The following YTHDC2 variants were observed in gnomAD, a reference collection of about 807,000 sequenced individuals.
The protein encoded by YTHDC2 is YTH N6-methyladenosine RNA binding protein C2.
A neutral mutation model predicts 174.9 loss-of-function variants in YTHDC2; 45 were observed. The observed-to-expected ratio is 0.26, with a 90% CI of 0.20 to 0.33. The LOEUF (loss-of-function observed/expected upper bound fraction) is 0.33. Ranked by LOEUF, YTHDC2 falls within the 10% of genes least tolerant of loss-of-function variation. The pLI, the probability that YTHDC2 is intolerant of heterozygous loss-of-function variation, is 1.00. For missense variants in YTHDC2, 1,650 were observed against 1,723.7 expected, an observed-to-expected ratio of 0.96 and a Z score of 0.76; for synonymous variants, 657 against 574.5, an observed-to-expected ratio of 1.14 and a Z score of -2.05.
chr5:113,550,315 A>C (rs552324966), intron 12 of YTHDC2, among the ~76,000 whole-genome samples: 1 of 152,128 alleles, frequency 6.6e-6, no homozygotes, highest in African/African-American at 2.4e-5. Flanking sequence ...CATATTAAAA[A>C]GCTTTATGAA....
At chr5:113,591,459 T>C (rs889486300) in intron 27 of YTHDC2, among the ~76,000 whole-genome samples, 1 of 152,162 alleles carries the variant, frequency 6.6e-6, no homozygotes, top group African/African-American at 2.4e-5. Context: ...CCAGGTAAAC[T>C]ATGTTTCCTT....
intron 16 of YTHDC2, among the ~76,000 whole-genome samples, chr5:113,554,702 C>T (rs899088320): frequency 6.6e-6 from 1 of 151,034 alleles, no homozygotes; most frequent in Admixed American, 6.6e-5. Flanking sequence ...AAAATATTTA[C>T]TATTTGAAAG....
intron 2 of YTHDC2, among the ~76,000 whole-genome samples, chr5:113,517,780 A>G (rs901625829): frequency 1.8e-4 from 28 of 152,214 alleles, no homozygotes; most frequent in African/African-American, 5.3e-4. Context: ...TTTCACAAAA[A>G]GAAAGAAATC....
chr5:113,591,328 C>G lies in YTHDC2; in HGVS notation c.4029+84C>G, dbSNP rs551095808. 5.4e-4 allele frequency: 750 copies of G among 1,386,018 alleles called. 1 individual carries two copies. Among genetic ancestry groups the G allele is most frequent in the Non-Finnish European group, 7.1e-4 (701 of 990,288 alleles). 85.9% of individuals were successfully genotyped at this position (1,386,018 alleles called of 1,614,324 possible). A position where few individuals can be genotyped will look rare whatever the true frequency, so the allele number is the denominator to read the frequency against. ...ATTTTTAGAAAAACAACTGGCTTTTCATTGCATCAGAATGCAAGAATGCCT... is the reference window on the plus strand; with the variant it reads ...ATTTTTAGAAAAACAACTGGCTTTTGATTGCATCAGAATGCAAGAATGCCT... On this transcript the variant is annotated intron_variant, in intron 27 of 29. Coordinates refer to ENST00000161863, the MANE Select transcript of YTHDC2 (RefSeq NM_022828.5).
chr5:113,569,383 A>G (rs979008247), intron 23 of YTHDC2, among the ~76,000 whole-genome samples: 40 of 152,232 alleles, frequency 2.6e-4, no homozygotes, highest in African/African-American at 9.6e-4. Flanking sequence ...TTTTGCTGCA[A>G]TTGCTTTTGG....
chr5:113,540,138 T>C (rs546853368), intron 8 of YTHDC2, among the ~76,000 whole-genome samples: 30 of 152,276 alleles, frequency 2.0e-4, no homozygotes, highest in African/African-American at 7.0e-4. Flanking sequence ...TCCTCTTGCC[T>C]CAGTGTCCTA....
Position 113,553,954 on chromosome 5 carries a change from A to G in YTHDC2, c.2065A>G (p.Asn689Asp). 1.3e-6 allele frequency: 2 copies of G among 1,583,672 alleles called. No individual in the cohort carries two copies. The highest frequency in any genetic ancestry group is 1.7e-6 in the Non-Finnish European group (2 of 1,168,768). The change falls in exon 16 of 30, where the codon AAT becomes GAT. Residue 689 changes from asparagine to aspartate, a missense_variant. Asn to Asp is a conservative substitution (Grantham distance 23). Around this residue, in one of 5 missense-constraint regions of YTHDC2, gnomAD observed 913 missense variants for 940.4 expected, o/e 0.97. Coordinates refer to ENST00000161863, the MANE Select transcript of YTHDC2 (RefSeq NM_022828.5). ...AGVRKIILST[N>D]IAETSITVND... ...TATCTTGTTGCAGATTCTTTCCACC[A>G]ATATTGCTGAAACCAGCATCACAGT...
At chr5:113,570,245 C>T (rs962846607) in intron 23 of YTHDC2, among the ~76,000 whole-genome samples, 1 of 151,376 alleles carries the variant, frequency 6.6e-6, no homozygotes, top group Non-Finnish European at 1.5e-5. Flanking sequence ...TACAGGCACG[C>T]ACCACAATTC....
intron 23 of YTHDC2, among the ~76,000 whole-genome samples, chr5:113,571,871 T>C (rs1280054080): frequency 6.6e-6 from 1 of 152,188 alleles, no homozygotes; most frequent in African/African-American, 2.4e-5. Context: ...TCTTTTCTTC[T>C]TTATTAATCT....
chr5:113,540,380 A>G (rs1775368825), intron 8 of YTHDC2, among the ~76,000 whole-genome samples: 1 of 152,234 alleles, frequency 6.6e-6, no homozygotes, highest in African/African-American at 2.4e-5. Context: ...ACTTGGAACA[A>G]TAGGTGAATG....
rs1248504541 is a variant in YTHDC2, at chr5:113,567,204, C to G, written c.2955C>G (p.His985Gln). 11 of 1,613,556 alleles carry G rather than the reference C, an allele frequency of 6.8e-6. No individual in the cohort carries two copies. Among genetic ancestry groups the G allele is most frequent in the Non-Finnish European group, 9.3e-6 (11 of 1,179,858 alleles). ...LVAGMYPNLV[H>Q]VDRENLVLTG... ...CAGGCATGTATCCTAATTTAGTCCACGTGGACAGAGAGAATCTAGTGTTGA... is the reference window on the plus strand; with the variant it reads ...CAGGCATGTATCCTAATTTAGTCCAGGTGGACAGAGAGAATCTAGTGTTGA... The change falls in exon 22 of 30, where the codon CAC (histidine) becomes CAG (glutamine). Residue 985 changes from histidine to glutamine, a missense_variant. Physicochemically the swap from His to Gln is conservative, Grantham distance 24. This residue lies in a region of YTHDC2 where 913 missense variants were observed against 940.4 expected (regional missense o/e 0.97). Transcript: ENST00000161863.
At chr5:113,575,462 T>C (rs1206337596) in intron 23 of YTHDC2, among the ~76,000 whole-genome samples, 4 of 152,138 alleles carry the variant, frequency 2.6e-5, no homozygotes. Flanking sequence ...AAAGAAAGCC[T>C]AGACACGTTT....
chr5:113,574,415 A>C (rs1360685783), intron 23 of YTHDC2, among the ~76,000 whole-genome samples: 1 of 152,120 alleles, frequency 6.6e-6, no homozygotes, highest in Non-Finnish European at 1.5e-5. Flanking sequence ...CCCTGTTCTG[A>C]GGTCTCACCC....
chr5:113,576,914 T>A lies in YTHDC2; in HGVS notation c.3245-2672T>A, dbSNP rs545937376. 6.6e-5 allele frequency among the ~76,000 whole-genome samples: 10 copies of A among 152,308 alleles called. No individual in the cohort carries two copies. In the South Asian group the frequency reaches 1.7e-3, roughly 25 times the overall value. On this transcript the variant is annotated intron_variant, in intron 23 of 29. Coordinates refer to ENST00000161863, the MANE Select transcript of YTHDC2 (RefSeq NM_022828.5). ...TTCCTATACTATTCACTTTCAAAGC[T>A]GAGAAAATTTCATCCCTCCATTGAT...
At chr5:113,531,789 T>A (rs966942042) in intron 4 of YTHDC2, among the ~76,000 whole-genome samples, 8 of 152,190 alleles carry the variant, frequency 5.3e-5, no homozygotes, top group African/African-American at 1.7e-4. Context: ...ACAGTTATAT[T>A]TTTTAACTAT....
In YTHDC2 at chr5:113,567,223, G is replaced by C. The variant is rs756027570; in HGVS notation, c.2974G>C (p.Val992Leu). The change falls in exon 22 of 30, where the codon GTG becomes CTG. Residue 992 changes from valine to leucine, a missense_variant. Val to Leu is a conservative substitution (Grantham distance 32). Around this residue, in one of 5 missense-constraint regions of YTHDC2, gnomAD observed 913 missense variants for 940.4 expected, o/e 0.97. Transcript: ENST00000161863. Reference protein sequence around the residue: ...NLVHVDRENLVLTGPKEKKVR... With the variant: ...NLVHVDRENLLLTGPKEKKVR... ...AGTCCACGTGGACAGAGAGAATCTA[G>C]TGTTGACAGGGCCAAAGGAGAAAAA... The C allele has an allele frequency of 3.1e-6, 5 of 1,613,752 alleles. No individual in the cohort carries two copies. The Admixed American group carries it at 8.3e-5, about 27-fold the overall frequency.
chr5:113,564,106 A>C lies in YTHDC2; in HGVS notation c.2690A>C (p.His897Pro), dbSNP rs1580596637. The C allele has an allele frequency of 1.2e-6, 2 of 1,614,116 alleles. No homozygotes were observed. The highest frequency in any genetic ancestry group is 1.7e-6 in the Non-Finnish European group (2 of 1,180,004). ...TTTACTGCAGGAGCTTTCAGTGACCATATGGCACTTCTCAGAGCATTCCAG... is the reference window on the plus strand; with the variant it reads ...TTTACTGCAGGAGCTTTCAGTGACCCTATGGCACTTCTCAGAGCATTCCAG... ...KRFTAGAFSDHMALLRAFQAW... is the reference protein window; with the variant it reads ...KRFTAGAFSDPMALLRAFQAW... Residue 897 changes from histidine (H) to proline (P), a missense_variant, in exon 20 of 30, where the codon CAT becomes CCT. By Grantham distance (77) the His-to-Pro change is moderately conservative. Coordinates refer to ENST00000161863, the MANE Select transcript of YTHDC2 (RefSeq NM_022828.5).
intron 2 of YTHDC2, among the ~76,000 whole-genome samples, chr5:113,523,960 G>A (rs976605222): frequency 3.3e-5 from 5 of 152,144 alleles, no homozygotes; most frequent in African/African-American, 1.2e-4. Context: ...TAAAATTTAA[G>A]AAATAGTATT....
intron 23 of YTHDC2, among the ~76,000 whole-genome samples, chr5:113,569,387 C>T (rs1173858356): frequency 6.6e-6 from 1 of 152,118 alleles, no homozygotes; most frequent in Non-Finnish European, 1.5e-5. Flanking sequence ...GCTGCAATTG[C>T]TTTTGGCGTT....
Sources: gnomAD v4.1 joint callset for allele counts (sites outside exome capture counted in the v4.1 genomes callset) on GRCh38, gnomAD v4.1.1 for gene constraint, gnomAD v4.1.1 regional missense constraint, MANE v1.5 for transcripts, NCBI Gene and HGNC (gene_info 2026-07-23, HGNC 2026-07-21) for gene names.